Variants in MDN1 observed in about 807,000 individuals in gnomAD.
MDN1 encodes the protein midasin AAA ATPase 1.
A neutral mutation model predicts 669.2 loss-of-function variants in MDN1; 266 were observed. That is an observed-to-expected ratio of 0.40 (90% CI 0.36 to 0.44). The LOEUF (loss-of-function observed/expected upper bound fraction) is 0.44. MDN1 is among the 20% of genes least tolerant of loss of function. The probability of loss-of-function intolerance (pLI) is 1.00; values close to 1 mark genes in which losing one functional copy is unlikely to be tolerated. For missense variants in MDN1, 5,940 were observed against 6,754.0 expected, an observed-to-expected ratio of 0.88 and a Z score of 4.22; for synonymous variants, 2,385 against 2,457.1, an observed-to-expected ratio of 0.97 and a Z score of 0.87.
chr6:89,813,315 C>T (rs910327581), intron 1 of MDN1, among the ~76,000 whole-genome samples: 1 of 151,932 alleles, frequency 6.6e-6, no homozygotes, highest in South Asian at 2.1e-4. Context: ...TTCGGGAGAC[C>T]GAGGCAGGAG....
chr6:89,732,769 T>C lies in MDN1; in HGVS notation c.4730A>G (p.Asp1577Gly). The C allele has an allele frequency of 6.2e-7, 1 of 1,613,792 alleles. No homozygotes were observed. The highest frequency in any genetic ancestry group is 8.5e-7 in the Non-Finnish European group (1 of 1,179,924). ...CLGRIDPKGS[D>G]IPEVMLDFID... ...GAAATCCAGCATCACTTCAGGTATG[T>C]CAGACCCTAAACACAAGAAACAAAA... Residue 1577 changes from aspartate to glycine, a missense_variant, in exon 34 of 102, where the codon GAC (aspartate) becomes GGC (glycine). Physicochemically the swap from Asp to Gly is moderately conservative, Grantham distance 94. This residue lies in a region of MDN1 where 2,292 missense variants were observed against 2,638.3 expected (regional missense o/e 0.87). Transcript: ENST00000369393.
At position 89,692,795 on chromosome 6, in the gene MDN1, C is replaced by T. The variant is rs1172487231; in HGVS notation, c.10235G>A (p.Arg3412Lys). 3 of 1,614,150 alleles carry T rather than the reference C, an allele frequency of 1.9e-6. No individual in the cohort carries two copies. Among genetic ancestry groups the T allele is most frequent in the Non-Finnish European group, 2.5e-6 (3 of 1,180,022 alleles). Residue 3412 changes from arginine to lysine, a missense_variant, in exon 63 of 102, where the codon AGG becomes AAG. Coordinates refer to ENST00000369393, the MANE Select transcript of MDN1 (RefSeq NM_014611.3). ...ASILQLQHGMRLVASELHTSL... is the reference protein window; with the variant it reads ...ASILQLQHGMKLVASELHTSL... The stretch of plus-strand genomic sequence containing the variant: ...GGTGTGGAGCTCAGAGGCCACCAGC[C>T]TCATGCCATGTTGTAACTGCAATAT...
At chr6:89,713,963 T>C (rs1235459462) in intron 46 of MDN1, among the ~76,000 whole-genome samples, 2 of 149,688 alleles carry the variant, frequency 1.3e-5, no homozygotes, top group Non-Finnish European at 3.0e-5. Context: ...GGCATGAACC[T>C]GGGAGGCGGA....
At chr6:89,644,278 C>CTT in intron 101 of MDN1, 85 bp from the exon 102 acceptor site, 1 of 1,116,866 alleles carries the variant, frequency 9.0e-7, no homozygotes, top group Non-Finnish European at 1.3e-6. Flanking sequence ...CTTTTGCTAA[C>CTT]TTTTACATCT....
At chr6:89,705,930 G>T (rs1195710299) in intron 53 of MDN1, 129 bp downstream of exon 53, 19 of 794,800 alleles carry the variant, frequency 2.4e-5, no homozygotes, top group Non-Finnish European at 3.6e-5. Flanking sequence ...ATTTAAAACT[G>T]TTAAGAATAA....
chr6:89,728,545 T>G (rs1352574879), intron 36 of MDN1, among the ~76,000 whole-genome samples: 2 of 152,188 alleles, frequency 1.3e-5, no homozygotes, highest in African/African-American at 2.4e-5. Context: ...TATCTGAGGA[T>G]ACAGGCCAGG....
At chr6:89,677,758 T>A (rs1431473103) in intron 75 of MDN1, 62 bp from the exon 76 acceptor site, 1 of 1,605,518 alleles carries the variant, frequency 6.2e-7, no homozygotes. Flanking sequence ...TGTGCCCCCC[T>A]CTCCCCTGCT....
intron 86 of MDN1, among the ~76,000 whole-genome samples, chr6:89,662,508 A>C (rs1327117845): frequency 6.6e-6 from 1 of 152,180 alleles, no homozygotes; most frequent in Non-Finnish European, 1.5e-5. Flanking sequence ...AGTTCTCCCA[A>C]GCTGGGAGCT....
chr6:89,671,030 G>A lies in MDN1; in HGVS notation c.13845C>T (p.Ser4615=), dbSNP rs780706807. 128 of 1,614,030 alleles carry A rather than the reference G, an allele frequency of 7.9e-5. No homozygotes were observed. The highest frequency in any genetic ancestry group is 1.1e-4 in the Non-Finnish European group (124 of 1,180,034). Residue 4615 remains serine, a synonymous_variant, in exon 83 of 102, where the codon TCC becomes TCT. Coordinates refer to ENST00000369393, the MANE Select transcript of MDN1 (RefSeq NM_014611.3). Reference sequence around the variant, plus strand: ...AGAAGAGGACGAGGTCTGAGTAGCTGGAGAGGACCGGCACCAGGCGCACCA... The same window carrying A: ...AGAAGAGGACGAGGTCTGAGTAGCTAGAGAGGACCGGCACCAGGCGCACCA... ...SLLVRLVPVL[S]SYSDLVLFFL...
At chr6:89,806,686 C>A (rs1768045471) in intron 1 of MDN1, among the ~76,000 whole-genome samples, 1 of 152,046 alleles carries the variant, frequency 6.6e-6, no homozygotes. Flanking sequence ...CCACTGCACT[C>A]CAGCCCGGGC....
chr6:89,715,797 T>C (rs1349211136), intron 44 of MDN1, 28 bp from the exon 45 acceptor site: 35 of 1,411,330 alleles, frequency 2.5e-5, no homozygotes, highest in Non-Finnish European at 3.5e-5. Flanking sequence ...AGATGGTGGA[T>C]AGGCTGACAT....
intron 61 of MDN1, among the ~76,000 whole-genome samples, chr6:89,694,502 G>C (rs1432454826): frequency 6.6e-6 from 1 of 152,114 alleles, no homozygotes; most frequent in Non-Finnish European, 1.5e-5. Context: ...TCCTGAACTT[G>C]GTTCAAAACT....
At chr6:89,719,959 G>T (rs1584262064) in intron 40 of MDN1, among the ~76,000 whole-genome samples, 1 of 150,524 alleles carries the variant, frequency 6.6e-6, no homozygotes, top group Non-Finnish European at 1.5e-5. Flanking sequence ...GAGTAATGGT[G>T]GGGGGCGGAT....
At position 89,667,971 on chromosome 6, in the gene MDN1, G is replaced by C. The variant is rs772828165; in HGVS notation, c.14094+43C>G. On this transcript the variant is annotated intron_variant, in intron 84 of 101. Transcript: ENST00000369393. ...GTGTAACTTACATGTTGAAAAGAAA[G>C]AGAGTGATCTTCTGTCAACTGTATA... The C allele has an allele frequency of 1.0e-5, 16 of 1,596,954 alleles. 1 individual carries two copies. In the South Asian group the frequency reaches 1.8e-4, roughly 18 times the overall value.
intron 96 of MDN1, 22 bp downstream of exon 96, chr6:89,650,710 C>A (rs780544058): frequency 4.4e-6 from 7 of 1,577,446 alleles, no homozygotes; most frequent in Non-Finnish European, 6.1e-6. Flanking sequence ...CACTGTGAGG[C>A]CTTCCAGAGG....
At position 89,819,555 on chromosome 6, in the gene MDN1, G is replaced by C. The variant is rs1769115715; in HGVS notation, c.53C>G (p.Ala18Gly). The part of the protein sequence containing the change: ...VAAAPLRLIA[A>G]KNEKSRSELG... ...CTCACTGCGGCTCTTCTCGTTCTTG[G>C]CTGCGATTAACCGCAGCGGCGCGGC... The change falls in exon 1 of 102, where the codon GCC becomes GGC. Residue 18 changes from alanine (A) to glycine (G), a missense_variant. Physicochemically the swap from Ala to Gly is moderately conservative, Grantham distance 60. This residue lies in a region of MDN1 where 1,203 missense variants were observed against 1,268.9 expected (regional missense o/e 0.95). Transcript: ENST00000369393. The C allele has an allele frequency of 1.9e-6, 3 of 1,604,714 alleles. No individual in the cohort carries two copies. Among genetic ancestry groups the C allele is most frequent in the Non-Finnish European group, 2.5e-6 (3 of 1,179,982 alleles).
intron 26 of MDN1, among the ~76,000 whole-genome samples, chr6:89,748,135 G>T (rs1238164794): frequency 1.3e-5 from 2 of 151,962 alleles, no homozygotes; most frequent in African/African-American, 4.8e-5. Context: ...GACCATCCTG[G>T]TCAATATGGT....
chr6:89,762,462 T>C lies in MDN1; in HGVS notation c.2213A>G (p.Gln738Arg). 1 of 1,614,184 alleles carries C rather than the reference T, an allele frequency of 6.2e-7. No homozygotes were observed. Among genetic ancestry groups the C allele is most frequent in the Non-Finnish European group, 8.5e-7 (1 of 1,179,996 alleles). The stretch of plus-strand genomic sequence containing the variant: ...AAAGTTTTGTTTCTTGGAAAATGTC[T>C]GAGCAAAGAGTTCCTCAAATGCCTC... ...LREAFEELFA[Q>R]TFSKKQNFTF... The change falls in exon 16 of 102, where the codon CAG becomes CGG. Residue 738 changes from glutamine to arginine, a missense_variant. This residue lies in a region of MDN1 where 1,203 missense variants were observed against 1,268.9 expected (regional missense o/e 0.95). Transcript: ENST00000369393.
intron 95 of MDN1, among the ~76,000 whole-genome samples, chr6:89,651,193 C>A (rs191111443): frequency 6.7e-6 from 1 of 150,140 alleles, no homozygotes; most frequent in East Asian, 2.0e-4. Flanking sequence ...GGCATGGGGG[C>A]AGGCACCTGT....
Sources: allele counts gnomAD v4.1 joint callset (sites outside exome capture counted in the v4.1 genomes callset), GRCh38; gene constraint gnomAD v4.1.1; regional missense constraint gnomAD v4.1.1; transcripts MANE v1.5; gene names NCBI Gene and HGNC (gene_info 2026-07-23, HGNC 2026-07-21).